Variants in CSRP3 observed in about 807,000 individuals in gnomAD.
CSRP3 encodes the protein cysteine and glycine-rich protein 3.
Under a neutral mutation model 24.3 loss-of-function variants are expected in CSRP3, and 24 were observed. That is an observed-to-expected ratio of 0.99 (90% confidence interval 0.71 to 1.39). The LOEUF is 1.39. CSRP3 is among the 40% of genes most tolerant of loss of function. The probability of loss-of-function intolerance (pLI) is 0.00; values close to 1 mark genes in which losing one functional copy is unlikely to be tolerated. For missense variants in CSRP3, 240 were observed against 249.0 expected (o/e 0.96, Z 0.24); for synonymous variants, 105 against 94.0 (o/e 1.12, Z -0.68).
intron 1 of CSRP3, among the ~76,000 whole-genome samples, chr11:19,200,263 T>C (rs1241346104): frequency 1.3e-5 from 2 of 152,238 alleles, no homozygotes; most frequent in African/African-American, 4.8e-5. Context: ...GTTCAGAAAA[T>C]GGAAACTCAG....
chr11:19,197,404 T>C lies in CSRP3; in HGVS notation c.-29+4550A>G, dbSNP rs79606817. Among the ~76,000 whole-genome samples the C allele has an allele frequency of 1.0e-4, 5 of 48,708 alleles. No homozygotes were observed. In the East Asian group the frequency reaches 1.7e-3, roughly 17 times the overall value. The allele number at this position is 48,708 out of a possible 152,430, so 32.0% of individuals were successfully genotyped here. ...TCCCTCCCTCCCTTCCTTCCTTCCT[T>C]CCTTCCTTCCTTCCTTCCTTCCTTC... On this transcript the variant is annotated intron_variant, in intron 1 of 5. Transcript: ENST00000265968.
At chr11:19,190,663 G>A (rs1238729666) in intron 2 of CSRP3, among the ~76,000 whole-genome samples, 3 of 152,184 alleles carry the variant, frequency 2.0e-5, no homozygotes, top group Non-Finnish European at 2.9e-5. Context: ...AGAAGTCAGG[G>A]GAACACTGGC....
At chr11:19,198,839 A>AT (rs1315939886) in intron 1 of CSRP3, among the ~76,000 whole-genome samples, 1 of 152,228 alleles carries the variant, frequency 6.6e-6, no homozygotes, top group Non-Finnish European at 1.5e-5. Flanking sequence ...TGTAAAGACA[A>AT]TATGAGAAGG....
At chr11:19,197,539 C>CTT (rs1193250151) in intron 1 of CSRP3, among the ~76,000 whole-genome samples, 6 of 131,648 alleles carry the variant, frequency 4.6e-5, no homozygotes, top group Admixed American at 1.6e-4. Flanking sequence ...TTCTTTCTTT[C>CTT]TTTCTTTCTT....
intron 2 of CSRP3, among the ~76,000 whole-genome samples, 154 bp downstream of exon 2, chr11:19,192,183 A>T (rs892226628): frequency 4.6e-5 from 7 of 152,054 alleles, no homozygotes; most frequent in African/African-American, 1.7e-4. Flanking sequence ...GGAGCCCAAG[A>T]GTTAAATTTC....
chr11:19,186,119 A>G, intron 4 of CSRP3, 97 bp downstream of exon 4: 1 of 1,505,996 alleles, frequency 6.6e-7, no homozygotes, highest in South Asian at 1.1e-5. Context: ...GCTAGAGAGA[A>G]TGACAGCTGC....
intron 1 of CSRP3, among the ~76,000 whole-genome samples, chr11:19,197,572 T>TTTCTTTC (rs1565055785): frequency 6.8e-6 from 1 of 146,432 alleles, no homozygotes; most frequent in African/African-American, 2.6e-5. Flanking sequence ...TCTTTCTTTC[T>TTTCTTTC]TTCTTCTTTC....
chr11:19,188,329 G>A (rs745764323), intron 2 of CSRP3, 25 bp from the exon 3 acceptor site: 1 of 1,611,134 alleles, frequency 6.2e-7, no homozygotes, highest in Non-Finnish European at 8.5e-7. Context: ...AAGGGTCATG[G>A]GATTGGAATT....
At chr11:19,197,411 TTCCTTCCTTCCTTCCTTCCC>T (rs1850744750) in intron 1 of CSRP3, among the ~76,000 whole-genome samples, 3 of 77,758 alleles carry the variant, frequency 3.9e-5, no homozygotes, top group South Asian at 8.9e-4. Flanking sequence ...CCTTCCTTCC[TTCCTTCCTTCCTTCCTTCCC>T]TCCTTCTTTC....
At chr11:19,188,638 G>GTA (rs1554967795) in intron 2 of CSRP3, among the ~76,000 whole-genome samples, 13 of 151,706 alleles carry the variant, frequency 8.6e-5, no homozygotes, top group Admixed American at 8.6e-4. Context: ...GTGTGTGTGT[G>GTA]TGTGTGTGTG....
chr11:19,182,738 C>T lies in CSRP3; in HGVS notation c.517G>A (p.Ala173Thr), dbSNP rs1850457607. Reference protein sequence around the residue: ...DGELYCKVCYAKNFGPTGIGF... With the variant: ...DGELYCKVCYTKNFGPTGIGF... ...ATACCCGTGGGGCCAAAATTTTTGG[C>T]ATAGCAAACTGTGAATGAGAAGAGG... is the stretch of plus-strand genomic sequence containing the variant. Residue 173 changes from alanine (A) to threonine (T), a missense_variant, in exon 6 of 6, where the codon GCC becomes ACC. Physicochemically the swap from Ala to Thr is moderately conservative, Grantham distance 58 (BLOSUM62 0). Transcript: ENST00000265968. 1 of 1,613,204 alleles carries T rather than the reference C, an allele frequency of 6.2e-7. No homozygotes were observed. Among genetic ancestry groups the T allele is most frequent in the African/African-American group, 1.3e-5 (1 of 74,888 alleles).
chr11:19,195,078 A>G (rs1316655190), intron 1 of CSRP3, among the ~76,000 whole-genome samples: 1 of 152,020 alleles, frequency 6.6e-6, no homozygotes, highest in East Asian at 1.9e-4. Context: ...AAAGGCAGTG[A>G]ACTGTTGGAG....
At chr11:19,188,837 T>G (rs908053431) in intron 2 of CSRP3, among the ~76,000 whole-genome samples, 3 of 151,670 alleles carry the variant, frequency 2.0e-5, no homozygotes, top group Non-Finnish European at 4.4e-5. Context: ...GCAGAGGAGG[T>G]GGGGAAGGGG....
intron 5 of CSRP3, among the ~76,000 whole-genome samples, chr11:19,183,946 G>A (rs961067692): frequency 6.6e-6 from 1 of 152,192 alleles, no homozygotes; most frequent in Non-Finnish European, 1.5e-5. Context: ...CAGTTCTCCT[G>A]CACTTGCTCT....
chr11:19,197,309 T>G (rs898036571), intron 1 of CSRP3, among the ~76,000 whole-genome samples: 2 of 151,442 alleles, frequency 1.3e-5, no homozygotes, highest in African/African-American at 4.9e-5. Context: ...CTGTGTATTT[T>G]GGGCACATTC....
intron 1 of CSRP3, among the ~76,000 whole-genome samples, chr11:19,200,755 T>C (rs1837266857): frequency 6.6e-6 from 1 of 152,232 alleles, no homozygotes; most frequent in African/African-American, 2.4e-5. Flanking sequence ...AAAGCAGTTC[T>C]ACATGCATTG....
At chr11:19,193,677 G>T (rs1363093431) in intron 1 of CSRP3, among the ~76,000 whole-genome samples, 1 of 152,124 alleles carries the variant, frequency 6.6e-6, no homozygotes. Context: ...AATTAGCCAG[G>T]TGTGGTGGTG....
Position 19,182,760 on chromosome 11 carries a change from G to T in CSRP3, c.509-14C>A. The T allele has an allele frequency of 6.3e-7, 1 of 1,599,674 alleles. No individual in the cohort carries two copies. Among genetic ancestry groups the T allele is most frequent in the Non-Finnish European group, 8.6e-7 (1 of 1,166,740 alleles). On this transcript the variant is annotated splice_polypyrimidine_tract_variant and intron_variant, in intron 5 of 5. Coordinates refer to ENST00000265968, the MANE Select transcript of CSRP3 (RefSeq NM_003476.5). ...TGGCATAGCAAACTGTGAATGAGAA[G>T]AGGATGAAGGGAGAGACAATGCATT...
chr11:19,186,364 G>A lies in CSRP3; in HGVS notation c.282-16C>T, dbSNP rs757074408. On this transcript the variant is annotated splice_polypyrimidine_tract_variant and intron_variant, in intron 3 of 5. Coordinates refer to ENST00000265968, the MANE Select transcript of CSRP3 (RefSeq NM_003476.5). ...CTTTGGGGACCTGTTGGAAATAGAC[G>A]AATGAATGAAACGTAGATTTCCCTT... The A allele has an allele frequency of 2.9e-5, 47 of 1,614,058 alleles. No individual in the cohort carries two copies. Among genetic ancestry groups the A allele is most frequent in the Admixed American group, 1.5e-4 (9 of 60,000 alleles).
Sources: gnomAD v4.1 joint callset for allele counts (sites outside exome capture counted in the v4.1 genomes callset) on GRCh38, gnomAD v4.1.1 for gene constraint, MANE v1.5 for transcripts, NCBI Gene and HGNC (gene_info 2026-07-23, HGNC 2026-07-21) for gene names.